Variants in ME1 observed in about 807,000 individuals in gnomAD.
ME1 encodes NADP-dependent malic enzyme.
ME1 carries 74 observed loss-of-function variants against 66.4 expected under a neutral mutation model. The observed-to-expected ratio is 1.11, with a 90% CI of 0.92 to 1.35. The LOEUF is 1.35. Ranked by LOEUF, ME1 falls within the 40% of genes most tolerant of loss-of-function variation. The pLI is 0.00. For missense variants in ME1, 750 were observed against 694.1 expected, an observed-to-expected ratio of 1.08 and a Z score of -0.90; for synonymous variants, 251 against 235.6, an observed-to-expected ratio of 1.07 and a Z score of -0.60.
chr6:83,363,583 C>T (rs1352047055), intron 3 of ME1, among the ~76,000 whole-genome samples: 1 of 152,196 alleles, frequency 6.6e-6, no homozygotes, highest in Admixed American at 6.5e-5. Context: ...AGGAAAAAAA[C>T]TACAACCTGC....
At chr6:83,400,480 G>C (rs1458718395) in intron 2 of ME1, among the ~76,000 whole-genome samples, 1 of 152,144 alleles carries the variant, frequency 6.6e-6, no homozygotes, top group African/African-American at 2.4e-5. Flanking sequence ...TGCAAGAACA[G>C]ACTAACATAC....
At chr6:83,417,476 G>C (rs1770185095) in intron 1 of ME1, among the ~76,000 whole-genome samples, 3 of 152,120 alleles carry the variant, frequency 2.0e-5, no homozygotes, top group Admixed American at 2.0e-4. Context: ...CGCCACCCAG[G>C]TTCAAGCCAT....
intron 3 of ME1, among the ~76,000 whole-genome samples, chr6:83,391,788 G>A (rs1311623470): frequency 1.3e-5 from 2 of 151,948 alleles, no homozygotes; most frequent in African/African-American, 4.8e-5. Context: ...CTTGGCATTG[G>A]CTGTTCCTTC....
At chr6:83,283,790 A>G (rs985058434) in intron 6 of ME1, among the ~76,000 whole-genome samples, 2 of 152,318 alleles carry the variant, frequency 1.3e-5, no homozygotes, top group Middle Eastern at 3.4e-3. Flanking sequence ...ATTTGGAAAG[A>G]TCTCAAATTA....
chr6:83,394,741 A>G (rs981972556), intron 3 of ME1, among the ~76,000 whole-genome samples: 1 of 152,198 alleles, frequency 6.6e-6, no homozygotes, highest in African/African-American at 2.4e-5. Context: ...AAAAGTAGAA[A>G]GACATATGCA....
At chr6:83,230,585 G>C (rs1790285931) in intron 9 of ME1, among the ~76,000 whole-genome samples, 1 of 151,940 alleles carries the variant, frequency 6.6e-6, no homozygotes, top group Non-Finnish European at 1.5e-5. Flanking sequence ...TTGTGAAGAA[G>C]AAAAAAATCA....
chr6:83,253,584 A>C, intron 7 of ME1, 45 bp downstream of exon 7: 1 of 947,966 alleles, frequency 1.1e-6, no homozygotes, highest in Non-Finnish European at 1.7e-6. Flanking sequence ...TTATGAACTA[A>C]TTTCAGACAT....
At chr6:83,376,523 G>A (rs1038155503) in intron 3 of ME1, among the ~76,000 whole-genome samples, 5 of 151,070 alleles carry the variant, frequency 3.3e-5, no homozygotes, top group African/African-American at 9.7e-5. Flanking sequence ...AAAAGAGGCC[G>A]GGTGCAGTAG....
chr6:83,261,456 T>C (rs997403998), intron 6 of ME1, among the ~76,000 whole-genome samples: 4 of 149,626 alleles, frequency 2.7e-5, no homozygotes, highest in Non-Finnish European at 6.0e-5. Context: ...GAAAAGCTTT[T>C]AGTTTAATTA....
chr6:83,213,095 C>T (rs1472607587), intron 13 of ME1, among the ~76,000 whole-genome samples: 1 of 149,986 alleles, frequency 6.7e-6, no homozygotes, highest in African/African-American at 2.5e-5. Context: ...TGCAGTGGCA[C>T]GATCTCAGCT....
At chr6:83,301,314 TTCTCTCTCTC>T (rs560570045) in intron 6 of ME1, among the ~76,000 whole-genome samples, 2 of 141,306 alleles carry the variant, frequency 1.4e-5, no homozygotes, top group Admixed American at 7.1e-5. Context: ...CTTTCTTTCT[TTCTCTCTCTC>T]TCTCTCTCTC....
intron 9 of ME1, among the ~76,000 whole-genome samples, chr6:83,237,227 A>AAAAGAAAGAAAGAAAGAAAG (rs71545852): frequency 0.021 from 1,427 of 69,004 alleles, 91 homozygotes; most frequent in East Asian, 0.041. Context: ...ACAGAGAGAG[A>AAAAGAAAGAAAGAAAGAAAG]AAAGAAAGAA....
chr6:83,420,014 C>T lies in ME1; in HGVS notation c.78+10863G>A, dbSNP rs149113397. Reference sequence around the variant, plus strand: ...GAGGGGACTTCACTGAAAAGCAGGCCTTCTTGTAATTCTCTCATTTCTTCC... The same window carrying T: ...GAGGGGACTTCACTGAAAAGCAGGCTTTCTTGTAATTCTCTCATTTCTTCC... On this transcript the variant is annotated intron_variant, in intron 1 of 13. Transcript: ENST00000369705. Among the ~76,000 whole-genome samples, 1,066 of 152,102 alleles carry T rather than the reference C, an allele frequency of 7.0e-3. 7 individuals carry two copies. Among genetic ancestry groups the T allele is most frequent in the South Asian group, 0.026 (126 of 4,820 alleles).
At chr6:83,220,063 T>G (rs1790062387) in intron 12 of ME1, among the ~76,000 whole-genome samples, 1 of 152,170 alleles carries the variant, frequency 6.6e-6, no homozygotes, top group Admixed American at 6.5e-5. Context: ...TGACATAATA[T>G]GTGTATTCCA....
chr6:83,244,326 A>C (rs1432140034), intron 7 of ME1, among the ~76,000 whole-genome samples: 1 of 152,110 alleles, frequency 6.6e-6, no homozygotes, highest in African/African-American at 2.4e-5. Context: ...ATAAAAGGAG[A>C]GAGAACATAA....
intron 3 of ME1, among the ~76,000 whole-genome samples, chr6:83,360,835 T>G (rs1219284408): frequency 3.9e-5 from 6 of 152,226 alleles, no homozygotes; most frequent in African/African-American, 1.2e-4. Context: ...TTGCAGCTGC[T>G]GTACCTGTAC....
intron 3 of ME1, among the ~76,000 whole-genome samples, chr6:83,382,230 G>A (rs1367653012): frequency 6.6e-6 from 1 of 151,958 alleles, no homozygotes; most frequent in Non-Finnish European, 1.5e-5. Flanking sequence ...AATATTACCT[G>A]TAAATTCCAC....
chr6:83,407,945 G>C, intron 1 of ME1, 44 bp from the exon 2 acceptor site: 2 of 1,515,990 alleles, frequency 1.3e-6, no homozygotes, highest in South Asian at 1.3e-5. Context: ...GTATTTGAGA[G>C]GAAAATAGAC....
chr6:83,340,523 A>T (rs1014270668), intron 5 of ME1, among the ~76,000 whole-genome samples: 14 of 152,226 alleles, frequency 9.2e-5, no homozygotes, highest in Admixed American at 7.2e-4. Flanking sequence ...TCAAAATGCC[A>T]GTCACAATTT....
Sources: allele counts gnomAD v4.1 joint callset (sites outside exome capture counted in the v4.1 genomes callset), GRCh38; gene constraint gnomAD v4.1.1; transcripts MANE v1.5; gene names NCBI Gene and HGNC (gene_info 2026-07-23, HGNC 2026-07-21).